KIAA1549: variants seen among roughly 807,000 people sequenced by gnomAD.
The protein encoded by KIAA1549 is KIAA1549.
In KIAA1549, 70 loss-of-function variants were observed where a neutral mutation model predicts 156.4. The observed-to-expected ratio is 0.45, with a 90% CI of 0.37 to 0.55. The LOEUF (loss-of-function observed/expected upper bound fraction) is 0.55, where lower values mean the gene tolerates loss of function less well. Ranked by LOEUF, KIAA1549 falls within the 20% of genes least tolerant of loss-of-function variation. KIAA1549 has a pLI of 0.00. For synonymous variants in KIAA1549, 1,103 were observed against 1,066.4 expected (o/e 1.03, Z -0.67); for missense variants, 2,428 against 2,540.9 (o/e 0.96, Z 0.96).
At chr7:138,908,720 T>C (rs1259003583) in intron 5 of KIAA1549, among the ~76,000 whole-genome samples, 1 of 152,242 alleles carries the variant, frequency 6.6e-6, no homozygotes, top group African/African-American at 2.4e-5. Flanking sequence ...CATTCCTTTC[T>C]AGGTAATTCT....
chr7:138,977,979 C>A (rs1239411753), intron 1 of KIAA1549, among the ~76,000 whole-genome samples: 3 of 152,210 alleles, frequency 2.0e-5, no homozygotes, highest in African/African-American at 2.4e-5. Context: ...GGATTACAGG[C>A]GTGAGCCAGC....
chr7:138,904,770 G>C (rs1203706569), intron 7 of KIAA1549, among the ~76,000 whole-genome samples: 1 of 151,636 alleles, frequency 6.6e-6, no homozygotes, highest in East Asian at 1.9e-4. Context: ...TCAGAAGATT[G>C]TCAGTTCCTG....
At chr7:138,920,634 A>G (rs1812540150) in intron 1 of KIAA1549, among the ~76,000 whole-genome samples, 1 of 152,228 alleles carries the variant, frequency 6.6e-6, no homozygotes, top group Non-Finnish European at 1.5e-5. Context: ...CAGGTATGAC[A>G]TAGCCTAGAG....
rs1260472918 is a variant in KIAA1549 at position 138,905,118 on chromosome 7, T to C, written c.3461-37A>G. 2.7e-5 allele frequency: 38 copies of C among 1,409,272 alleles called. No homozygotes were observed. The Admixed American group carries it at 7.3e-4, about 27-fold the overall frequency. 87.3% of individuals were successfully genotyped at this position (1,409,272 alleles called of 1,614,324 possible). A position where few individuals can be genotyped will look rare whatever the true frequency, so the allele number is the denominator to read the frequency against. ...AAAGAATTAGGGAAGGAGAAAAATA[T>C]CTGTAAAAACAAAGCCATGTTTACA... is the stretch of plus-strand genomic sequence containing the variant. On this transcript the variant is annotated intron_variant, in intron 6 of 19. Transcript: ENST00000422774.
At chr7:138,973,063 C>T (rs912112917) in intron 1 of KIAA1549, among the ~76,000 whole-genome samples, 5 of 152,158 alleles carry the variant, frequency 3.3e-5, no homozygotes, top group Admixed American at 1.3e-4. Context: ...CTCAAGTGAA[C>T]TGCCTGCCTG....
chr7:138,878,845 C>T (rs1335468018), intron 12 of KIAA1549, among the ~76,000 whole-genome samples: 1 of 151,952 alleles, frequency 6.6e-6, no homozygotes, highest in Admixed American at 6.6e-5. Flanking sequence ...AAAAATAAAC[C>T]TCCAGCAAAT....
chr7:138,936,525 A>G (rs1304143795), intron 1 of KIAA1549, among the ~76,000 whole-genome samples: 1 of 152,222 alleles, frequency 6.6e-6, no homozygotes, highest in Non-Finnish European at 1.5e-5. Flanking sequence ...TTCTGAGTCC[A>G]TGGACATTGC....
intron 1 of KIAA1549, among the ~76,000 whole-genome samples, chr7:138,925,896 C>T (rs1362033082): frequency 7.2e-6 from 1 of 138,692 alleles, no homozygotes. Flanking sequence ...GAGTTGAAAG[C>T]ACTTGCTAAA....
At position 138,919,449 on chromosome 7, in the gene KIAA1549, A is replaced by G; in HGVS notation, c.188-11T>C. ...CCGGAGAGAGCTCATCTATCAAGAA[A>G]ATCAGAGCTGGGTTAGTGCAATGCA... is the stretch of plus-strand genomic sequence containing the variant. On this transcript the variant is annotated splice_polypyrimidine_tract_variant and intron_variant, in intron 1 of 19. Coordinates refer to ENST00000422774, the MANE Select transcript of KIAA1549 (RefSeq NM_001164665.2). 1 of 1,609,952 alleles carries G rather than the reference A, an allele frequency of 6.2e-7. No individual in the cohort carries two copies. Among genetic ancestry groups the G allele is most frequent in the Non-Finnish European group, 8.5e-7 (1 of 1,177,436 alleles).
intron 1 of KIAA1549, among the ~76,000 whole-genome samples, chr7:138,930,050 G>A (rs984280779): frequency 6.6e-6 from 1 of 152,226 alleles, no homozygotes; most frequent in African/African-American, 2.4e-5. Flanking sequence ...CAGAATGGAT[G>A]TGTGTTAACA....
intron 1 of KIAA1549, among the ~76,000 whole-genome samples, chr7:138,933,243 A>C (rs1415210193): frequency 2.0e-5 from 3 of 152,230 alleles, no homozygotes. Context: ...TTCTGAGATG[A>C]GAGAGAAGAA....
chr7:138,855,020 GCTC>G (rs1422791052), intron 16 of KIAA1549, among the ~76,000 whole-genome samples: 3 of 152,180 alleles, frequency 2.0e-5, no homozygotes, highest in Non-Finnish European at 2.9e-5. Context: ...GCACGATGTG[GCTC>G]CTAAGCCCAT....
intron 1 of KIAA1549, among the ~76,000 whole-genome samples, chr7:138,934,438 C>T (rs1253996171): frequency 6.6e-6 from 1 of 151,334 alleles, no homozygotes; most frequent in Non-Finnish European, 1.5e-5. Context: ...TCCAGAACAT[C>T]CACTGAAAAT....
intron 1 of KIAA1549, among the ~76,000 whole-genome samples, chr7:138,931,693 A>G (rs1468512091): frequency 6.7e-6 from 1 of 150,068 alleles, no homozygotes; most frequent in African/African-American, 2.5e-5. Context: ...CAGAGGTTGC[A>G]GTAAGCCAAG....
chr7:138,841,531 C>T (rs1292025170), intron 18 of KIAA1549, among the ~76,000 whole-genome samples: 1 of 152,094 alleles, frequency 6.6e-6, no homozygotes, highest in East Asian at 1.9e-4. Flanking sequence ...ACCTATATTG[C>T]AAATTAAGGG....
At chr7:138,933,735 G>A (rs1230163429) in intron 1 of KIAA1549, among the ~76,000 whole-genome samples, 1 of 152,242 alleles carries the variant, frequency 6.6e-6, no homozygotes, top group East Asian at 1.9e-4. Context: ...AGAGGCCGGG[G>A]CAGGCGGATC....
Position 138,833,256 on chromosome 7 carries a change from A to C in KIAA1549, c.*4650T>G, listed in dbSNP as rs192718357. 3.4e-5 allele frequency: 8 copies of C among 232,752 alleles called. No individual in the cohort carries two copies. In the Admixed American group the frequency reaches 4.5e-4, roughly 13 times the overall value. 14.4% of individuals were successfully genotyped at this position (232,752 alleles called of 1,614,324 possible). On this transcript the variant is annotated 3_prime_UTR_variant, in exon 20 of 20. Transcript: ENST00000422774. Reference sequence around the variant, plus strand: ...TTACCCAGCTTTCCTTCCAAACGACAAATTCATTCATGTCTGAGAATCTAG... The same window carrying C: ...TTACCCAGCTTTCCTTCCAAACGACCAATTCATTCATGTCTGAGAATCTAG...
In KIAA1549 at chr7:138,898,972, T is replaced by C. The variant is rs745883556; in HGVS notation, c.3830A>G (p.Gln1277Arg). The C allele has an allele frequency of 2.0e-5, 32 of 1,613,686 alleles. No homozygotes were observed. Among genetic ancestry groups the C allele is most frequent in the Non-Finnish European group, 2.5e-5 (29 of 1,179,732 alleles). The part of the protein sequence containing the change: ...RAAIILGYRI[Q>R]GVIAQPVDRV... The stretch of plus-strand genomic sequence containing the variant: ...GCACTTACGCTGGGCAATGACACCT[T>C]GAATTCGGTAACCCAAGATGATGGC... Residue 1277 changes from glutamine to arginine, a missense_variant, in exon 9 of 20, where the codon CAA becomes CGA. Gln to Arg is a conservative substitution (Grantham distance 43, BLOSUM62 1). Coordinates refer to ENST00000422774, the MANE Select transcript of KIAA1549 (RefSeq NM_001164665.2).
chr7:138,978,022 T>C (rs1295669625), intron 1 of KIAA1549, among the ~76,000 whole-genome samples: 1 of 152,172 alleles, frequency 6.6e-6, no homozygotes, highest in Non-Finnish European at 1.5e-5. Flanking sequence ...TCTATGTAGC[T>C]ATTCATCAGC....
Sources: gnomAD v4.1 joint callset for allele counts (sites outside exome capture counted in the v4.1 genomes callset) on GRCh38, gnomAD v4.1.1 for gene constraint, MANE v1.5 for transcripts, NCBI Gene and HGNC (gene_info 2026-07-23, HGNC 2026-07-21) for gene names.